HELZ: variants seen among roughly 807,000 people sequenced by gnomAD.
The protein encoded by HELZ is helicase with zinc finger.
HELZ carries 23 observed loss-of-function variants against 218.2 expected under a neutral mutation model. The ratio of observed to expected loss-of-function variants is 0.11; its 90% CI spans 0.08 to 0.15. HELZ has a LOEUF of 0.15. Among genes scored for constraint, HELZ ranks in the 10% least tolerant of loss-of-function variants. HELZ has a pLI of 1.00. For synonymous variants in HELZ, 814 were observed against 829.4 expected (o/e 0.98, Z 0.32); for missense variants, 1,813 against 2,353.7 (o/e 0.77, Z 4.75).
At chr17:67,206,219 A>G (rs1270268545) in intron 5 of HELZ, among the ~76,000 whole-genome samples, 1 of 152,230 alleles carries the variant, frequency 6.6e-6, no homozygotes, top group African/African-American at 2.4e-5. Context: ...GTGAGAGTGT[A>G]CTGTGCGCAC....
At chr17:67,224,098 G>A (rs895591054) in intron 3 of HELZ, among the ~76,000 whole-genome samples, 2 of 152,160 alleles carry the variant, frequency 1.3e-5, no homozygotes, top group Admixed American at 1.3e-4. Flanking sequence ...ATGTGGGGTG[G>A]CATGTGACAC....
At chr17:67,207,408 C>T (rs1380437770) in intron 5 of HELZ, among the ~76,000 whole-genome samples, 2 of 151,444 alleles carry the variant, frequency 1.3e-5, no homozygotes, top group East Asian at 2.0e-4. Flanking sequence ...TTAGTAGAGA[C>T]AGGTCTTCAC....
intron 23 of HELZ, among the ~76,000 whole-genome samples, chr17:67,134,326 G>T (rs573448166): frequency 6.6e-6 from 1 of 151,738 alleles, no homozygotes; most frequent in Non-Finnish European, 1.5e-5. Context: ...CAGAGGTTGC[G>T]GTGAGCCGAG....
At chr17:67,160,761 C>T (rs1423666918) in intron 16 of HELZ, 136 bp downstream of exon 16, 9 of 630,216 alleles carry the variant, frequency 1.4e-5, no homozygotes, top group Middle Eastern at 4.3e-4. Flanking sequence ...TTTGGATTTA[C>T]GGCTTTTCCT....
rs1248555900 is a variant in HELZ, at chr17:67,109,607, C to T, written c.3998G>A (p.Arg1333His). ...GTGTCTTGGGTTGAGATTATCTTTG[C>T]GAGGAAATTTGGTACTGGGATAAAC... ...SVVYPSTKFP[R>H]KDNLNPRHIN... The change falls in exon 29 of 33, where the codon CGC (arginine) becomes CAC (histidine). Residue 1333 changes from arginine (R) to histidine (H), a missense_variant. By Grantham distance (29) the Arg-to-His change is conservative (BLOSUM62 0). Transcript: ENST00000358691. 9 of 1,613,858 alleles carry T rather than the reference C, an allele frequency of 5.6e-6. No individual in the cohort carries two copies. The highest frequency in any genetic ancestry group is 3.3e-5 in the Admixed American group (2 of 59,966).
intron 7 of HELZ, among the ~76,000 whole-genome samples, chr17:67,197,482 CCCTG>C (rs2040061950): frequency 6.6e-6 from 1 of 152,202 alleles, no homozygotes; most frequent in Non-Finnish European, 1.5e-5. Context: ...TTTCCCCTTT[CCCTG>C]CCTGTATTTT....
intron 26 of HELZ, 23 bp from the exon 27 acceptor site, chr17:67,120,635 A>G: frequency 6.4e-7 from 1 of 1,556,430 alleles, no homozygotes; most frequent in Non-Finnish European, 8.9e-7. Context: ...AAAATAAAAT[A>G]CATGCATTAA....
chr17:67,208,248 CA>C (rs994059139), intron 5 of HELZ, among the ~76,000 whole-genome samples: 1 of 151,190 alleles, frequency 6.6e-6, no homozygotes, highest in Non-Finnish European at 1.5e-5. Flanking sequence ...AGAAGTTTTT[CA>C]AAAAAAATTG....
chr17:67,146,917 G>A (rs2038515146), intron 20 of HELZ, among the ~76,000 whole-genome samples: 1 of 152,110 alleles, frequency 6.6e-6, no homozygotes, highest in African/African-American at 2.4e-5. Flanking sequence ...TTCCTGATGT[G>A]GATTAGGGTT....
At chr17:67,200,305 C>T (rs2040136278) in intron 7 of HELZ, among the ~76,000 whole-genome samples, 1 of 152,170 alleles carries the variant, frequency 6.6e-6, no homozygotes, top group Non-Finnish European at 1.5e-5. Flanking sequence ...TTGTCCCTGA[C>T]CTTCCATGTG....
chr17:67,131,719 C>G (rs1236400699), intron 23 of HELZ, among the ~76,000 whole-genome samples: 1 of 152,130 alleles, frequency 6.6e-6, no homozygotes, highest in Non-Finnish European at 1.5e-5. Flanking sequence ...GGGGCGCCAG[C>G]ACTACTATTA....
chr17:67,191,763 C>T (rs1299847853), intron 9 of HELZ, among the ~76,000 whole-genome samples: 1 of 132,514 alleles, frequency 7.5e-6, no homozygotes, highest in African/African-American at 2.8e-5. Context: ...TGATCATTAA[C>T]TTTTTTTTTT....
chr17:67,138,184 A>G (rs1033111318), intron 21 of HELZ, 70 bp from the exon 22 acceptor site: 5 of 1,301,284 alleles, frequency 3.8e-6, no homozygotes, highest in Non-Finnish European at 5.1e-6. Context: ...TATCGTAACT[A>G]AAACTGATTT....
intron 31 of HELZ, among the ~76,000 whole-genome samples, chr17:67,103,292 T>A (rs1487270625): frequency 6.6e-6 from 1 of 152,064 alleles, no homozygotes; most frequent in Non-Finnish European, 1.5e-5. Flanking sequence ...ATAAAAGGCA[T>A]TCAGATTGGA....
At chr17:67,194,773 AT>A (rs1197406713) in intron 8 of HELZ, among the ~76,000 whole-genome samples, 1 of 152,162 alleles carries the variant, frequency 6.6e-6, no homozygotes, top group Non-Finnish European at 1.5e-5. Flanking sequence ...ACAAGTCACT[AT>A]GCCCCCCAGA....
In HELZ at chr17:67,107,377, G is replaced by A; in HGVS notation, c.5033C>T (p.Ala1678Val). Reference sequence around the variant, plus strand: ...AGCAAAAGTCCATGCTCCATCAGGTGCCAGGTATTTCAAGGGAGGAGGGGC... The same window carrying A: ...AGCAAAAGTCCATGCTCCATCAGGTACCAGGTATTTCAAGGGAGGAGGGGC... ...HLAPPPLKYLAPDGAWTFANL... is the reference protein window; with the variant it reads ...HLAPPPLKYLVPDGAWTFANL... Residue 1678 changes from alanine (A) to valine (V), a missense_variant, in exon 31 of 33, where the codon GCA becomes GTA. Physicochemically the swap from Ala to Val is moderately conservative, Grantham distance 64 (BLOSUM62 0). Transcript: ENST00000358691. 4 of 1,614,190 alleles carry A rather than the reference G, an allele frequency of 2.5e-6. No individual in the cohort carries two copies. Among genetic ancestry groups the A allele is most frequent in the Non-Finnish European group, 3.4e-6 (4 of 1,180,030 alleles).
At chr17:67,218,294 A>G (rs1422970377) in intron 4 of HELZ, among the ~76,000 whole-genome samples, 2 of 152,226 alleles carry the variant, frequency 1.3e-5, no homozygotes, top group Admixed American at 6.5e-5. Flanking sequence ...AAAGTATCAT[A>G]AAGAAGAGAC....
At chr17:67,137,783 C>A in intron 22 of HELZ, 148 bp downstream of exon 22, 1 of 580,094 alleles carries the variant, frequency 1.7e-6, no homozygotes, top group Non-Finnish European at 3.0e-6. Flanking sequence ...ATGAATTCAA[C>A]CTTTAATTGC....
chr17:67,172,604 G>C (rs1443910992), intron 13 of HELZ, among the ~76,000 whole-genome samples: 1 of 151,764 alleles, frequency 6.6e-6, no homozygotes, highest in African/African-American at 2.4e-5. Context: ...TTTTTTAATA[G>C]TTTTTTGTTT....
Sources: allele counts gnomAD v4.1 joint callset (sites outside exome capture counted in the v4.1 genomes callset), GRCh38; gene constraint gnomAD v4.1.1; transcripts MANE v1.5; gene names NCBI Gene and HGNC (gene_info 2026-07-23, HGNC 2026-07-21).